The following CHD9NB variants were observed in gnomAD, a reference collection of about 807,000 sequenced individuals.
CHD9NB encodes the protein CHD9 neighbor protein.
At chr16:53,036,282 A>G in the CHD9NB span, among the ~76,000 whole-genome samples, 2 of 152,220 alleles carry the variant, frequency 1.3e-5, no homozygotes, top group African/African-American at 4.8e-5. Context: ...TGAGGAGCAA[A>G]TTAGATAGCA....
the CHD9NB span, chr16:53,044,361 C>G: frequency 2.6e-6 from 1 of 390,756 alleles, no homozygotes; most frequent in African/African-American, 2.1e-5. Flanking sequence ...GGAGAGCTGC[C>G]CTTCCGGCTA....
the CHD9NB span, among the ~76,000 whole-genome samples, chr16:53,050,267 G>A: frequency 6.6e-6 from 1 of 152,160 alleles, no homozygotes; most frequent in Non-Finnish European, 1.5e-5. Flanking sequence ...AGCACTTTGG[G>A]AAGCCAAGGT....
At chr16:53,040,584 T>C in the CHD9NB span, among the ~76,000 whole-genome samples, 155 of 152,310 alleles carry the variant, frequency 1.0e-3, no homozygotes, top group African/African-American at 3.5e-3. Flanking sequence ...AAGATCTCCC[T>C]GGACCACCCT....
chr16:53,046,629 G>A, the CHD9NB span, among the ~76,000 whole-genome samples: 2 of 152,082 alleles, frequency 1.3e-5, no homozygotes, highest in Non-Finnish European at 2.9e-5. Context: ...AGGTTGCAGT[G>A]AGCCAAGATT....
chr16:53,051,763 GTATAAATA>G, the CHD9NB span, among the ~76,000 whole-genome samples: 100 of 87,166 alleles, frequency 1.1e-3, no homozygotes, highest in African/African-American at 6.0e-3. Flanking sequence ...CAACTTAAAA[GTATAAATA>G]TATATATATA....
chr16:53,049,427 C>T, the CHD9NB span, among the ~76,000 whole-genome samples: 6 of 152,106 alleles, frequency 3.9e-5, no homozygotes, highest in East Asian at 3.9e-4. Context: ...CCTCCTGCCT[C>T]GGTCTCCCAA....
chr16:53,042,414 CCT>C, the CHD9NB span, among the ~76,000 whole-genome samples: 6,404 of 150,066 alleles, frequency 0.043, 450 homozygotes, highest in African/African-American at 0.15. Context: ...TCCCTCTCTT[CCT>C]CTGTTTCCCC....
At chr16:53,044,012 C>A in the CHD9NB span, 3 of 398,854 alleles carry the variant, frequency 7.5e-6, no homozygotes, top group Non-Finnish European at 1.3e-5. Context: ...AGCTCTTTGG[C>A]TCAGGGGTTC....
the CHD9NB span, chr16:53,042,632 G>A: frequency 6.9e-6 from 1 of 145,568 alleles, no homozygotes; most frequent in South Asian, 2.3e-4. Flanking sequence ...GTCCCTCAAT[G>A]CATCACCCAA....
chr16:53,047,880 C>A, the CHD9NB span, among the ~76,000 whole-genome samples: 12 of 151,734 alleles, frequency 7.9e-5, no homozygotes, highest in African/African-American at 2.9e-4. Flanking sequence ...CACCTGTAGT[C>A]CTGCCTACTC....
chr16:53,037,294 C>G, the CHD9NB span, among the ~76,000 whole-genome samples: 1 of 152,190 alleles, frequency 6.6e-6, no homozygotes, highest in African/African-American at 2.4e-5. Context: ...AGGGCTTTAG[C>G]TGCCGCTGTG....
the CHD9NB span, among the ~76,000 whole-genome samples, chr16:53,041,555 G>T: frequency 2.0e-5 from 3 of 152,138 alleles, no homozygotes; most frequent in African/African-American, 7.2e-5. Flanking sequence ...GAACTTCGAA[G>T]GACCTAAAGC....
chr16:53,040,416 C>T, the CHD9NB span, among the ~76,000 whole-genome samples: 2 of 152,178 alleles, frequency 1.3e-5, no homozygotes, highest in Admixed American at 1.3e-4. Flanking sequence ...CTCCCTGTCC[C>T]TGTGCCGTGG....
the CHD9NB span, among the ~76,000 whole-genome samples, chr16:53,050,007 C>T: frequency 6.6e-6 from 1 of 152,094 alleles, no homozygotes; most frequent in Non-Finnish European, 1.5e-5. Context: ...AGTTCGAGAC[C>T]AGCCTGGACA....
At chr16:53,049,047 T>G in the CHD9NB span, among the ~76,000 whole-genome samples, 1 of 152,208 alleles carries the variant, frequency 6.6e-6, no homozygotes, top group East Asian at 1.9e-4. Flanking sequence ...TTAATAGAGA[T>G]GGGGTCGCAC....
the CHD9NB span, among the ~76,000 whole-genome samples, chr16:53,050,498 AC>A: frequency 6.6e-6 from 1 of 152,032 alleles, no homozygotes; most frequent in Admixed American, 6.6e-5. Context: ...ACAGAATGAG[AC>A]CCCGTCTCAA....
the CHD9NB span, among the ~76,000 whole-genome samples, chr16:53,037,318 G>A: frequency 2.6e-3 from 401 of 152,312 alleles, 1 homozygote; most frequent in Non-Finnish European, 4.5e-3. Flanking sequence ...TGATGACTCT[G>A]TTGGGAGGAA....
the CHD9NB span, among the ~76,000 whole-genome samples, chr16:53,037,171 T>A: frequency 6.6e-6 from 1 of 152,170 alleles, no homozygotes; most frequent in Non-Finnish European, 1.5e-5. Context: ...CCTGACCTCA[T>A]GATCCACCCA....
the CHD9NB span, among the ~76,000 whole-genome samples, chr16:53,045,138 G>T: frequency 1.3e-5 from 2 of 151,882 alleles, no homozygotes; most frequent in South Asian, 4.1e-4. Flanking sequence ...GGTGCCGGGA[G>T]TTGGAGGGTG....
Sources: allele counts gnomAD v4.1 joint callset (sites outside exome capture counted in the v4.1 genomes callset), GRCh38; gene constraint gnomAD v4.1.1; transcripts MANE v1.5; gene names NCBI Gene and HGNC (gene_info 2026-07-23, HGNC 2026-07-21).